KCTD8: variants seen among roughly 807,000 people sequenced by gnomAD.
KCTD8 encodes BTB/POZ domain-containing protein KCTD8.
KCTD8 carries 27 observed loss-of-function variants against 31.5 expected under a neutral mutation model. That is an observed-to-expected ratio of 0.86 (90% CI 0.63 to 1.18). The LOEUF (loss-of-function observed/expected upper bound fraction) is 1.18. KCTD8 is among the 50% of genes most tolerant of loss of function. The probability of loss-of-function intolerance (pLI) is 0.00; values close to 1 mark genes in which losing one functional copy is unlikely to be tolerated. For synonymous variants in KCTD8, 290 were observed against 280.0 expected, an observed-to-expected ratio of 1.04 and a Z score of -0.36; for missense variants, 658 against 647.7, an observed-to-expected ratio of 1.02 and a Z score of -0.17.
At chr4:44,234,848 G>C (rs1260287768) in intron 1 of KCTD8, among the ~76,000 whole-genome samples, 1 of 152,086 alleles carries the variant, frequency 6.6e-6, no homozygotes, top group African/African-American at 2.4e-5. Context: ...CTTTTAAACA[G>C]GAAAAGCAAT....
chr4:44,293,308 G>A (rs1329419336), intron 1 of KCTD8: 2 of 317,362 alleles, frequency 6.3e-6, no homozygotes, highest in African/African-American at 2.2e-5. Context: ...CCAAATTACT[G>A]AGTCCAAATG....
At chr4:44,314,514 T>C (rs1718052228) in intron 1 of KCTD8, among the ~76,000 whole-genome samples, 1 of 152,182 alleles carries the variant, frequency 6.6e-6, no homozygotes, top group Admixed American at 6.5e-5. Context: ...CTCCTTATAC[T>C]ATGATCCAAG....
chr4:44,405,819 A>G (rs1468757466), intron 1 of KCTD8, among the ~76,000 whole-genome samples: 4 of 140,166 alleles, frequency 2.9e-5, no homozygotes, highest in Non-Finnish European at 6.1e-5. Context: ...CTGTTTCTCA[A>G]AAAAAAAAAA....
intron 1 of KCTD8, among the ~76,000 whole-genome samples, chr4:44,347,328 G>A (rs892487031): frequency 6.6e-6 from 1 of 152,116 alleles, no homozygotes; most frequent in Non-Finnish European, 1.5e-5. Flanking sequence ...GGTGGTGCAG[G>A]GCAGTTCTTC....
chr4:44,294,500 A>G (rs1717373400), intron 1 of KCTD8, among the ~76,000 whole-genome samples: 1 of 152,182 alleles, frequency 6.6e-6, no homozygotes, highest in Admixed American at 6.5e-5. Context: ...GTCCAGCACC[A>G]TTGCAACCAG....
rs553125116 is a variant in KCTD8 at position 44,188,798 on chromosome 4, G to C, written c.962-13548C>G. Among the ~76,000 whole-genome samples, 73 of 152,258 alleles carry C rather than the reference G, an allele frequency of 4.8e-4. No individual in the cohort carries two copies. In the South Asian group the frequency reaches 5.2e-3, roughly 11 times the overall value. On this transcript the variant is annotated intron_variant, in intron 1 of 1. Transcript: ENST00000360029. ...TGCAGCTACAAATCCTGGAATGTCAGCTGCCATCAGAAACAAGCAACAAAT... is the reference window on the plus strand; with the variant it reads ...TGCAGCTACAAATCCTGGAATGTCACCTGCCATCAGAAACAAGCAACAAAT...
intron 1 of KCTD8, among the ~76,000 whole-genome samples, chr4:44,251,031 CAT>C (rs1715816497): frequency 1.3e-5 from 2 of 151,606 alleles, no homozygotes; most frequent in Non-Finnish European, 1.5e-5. Context: ...TTCTTCTTTA[CAT>C]TTATTTCAGT....
intron 1 of KCTD8, among the ~76,000 whole-genome samples, chr4:44,317,042 C>G (rs1472871852): frequency 6.6e-6 from 1 of 150,560 alleles, no homozygotes; most frequent in East Asian, 2.0e-4. Context: ...GACTCCTAAA[C>G]TTGTTAGAGT....
intron 1 of KCTD8, among the ~76,000 whole-genome samples, chr4:44,235,525 T>TTATATATATATATA (rs752341720): frequency 3.6e-4 from 20 of 55,068 alleles, no homozygotes; most frequent in Non-Finnish European, 6.8e-4. Context: ...AGACACTGGA[T>TTATATATATATATA]TATATATATA....
chr4:44,326,030 T>C (rs1718435218), intron 1 of KCTD8, among the ~76,000 whole-genome samples: 1 of 151,996 alleles, frequency 6.6e-6, no homozygotes. Context: ...TGTGCAAATG[T>C]CCAGATCAGA....
At chr4:44,328,389 G>A (rs1359471738) in intron 1 of KCTD8, among the ~76,000 whole-genome samples, 3 of 151,832 alleles carry the variant, frequency 2.0e-5, no homozygotes, top group Non-Finnish European at 4.4e-5. Flanking sequence ...ACAACAAATA[G>A]ATTTGCATTA....
chr4:44,195,918 A>C (rs1473218052), intron 1 of KCTD8, among the ~76,000 whole-genome samples: 1 of 152,268 alleles, frequency 6.6e-6, no homozygotes, highest in Non-Finnish European at 1.5e-5. Context: ...GAATAATAAA[A>C]ATACAAGGCA....
intron 1 of KCTD8, among the ~76,000 whole-genome samples, chr4:44,365,285 T>C (rs1256981710): frequency 2.0e-5 from 3 of 152,132 alleles, no homozygotes; most frequent in Non-Finnish European, 4.4e-5. Flanking sequence ...AACGGTTTTA[T>C]CTTGAGAAAA....
intron 1 of KCTD8, among the ~76,000 whole-genome samples, chr4:44,210,377 A>G (rs1217026124): frequency 6.6e-6 from 1 of 152,208 alleles, no homozygotes; most frequent in East Asian, 1.9e-4. Flanking sequence ...TATTTTTGAA[A>G]GCAAGAAGAT....
chr4:44,297,877 T>A (rs924064949), intron 1 of KCTD8, among the ~76,000 whole-genome samples: 1 of 152,212 alleles, frequency 6.6e-6, no homozygotes, highest in African/African-American at 2.4e-5. Context: ...TGGTTCTCCA[T>A]GGAATATTTT....
intron 1 of KCTD8, among the ~76,000 whole-genome samples, chr4:44,279,589 T>A (rs1716843906): frequency 6.6e-6 from 1 of 152,078 alleles, no homozygotes; most frequent in Admixed American, 6.6e-5. Context: ...TAATTACATC[T>A]AGAAATTCCC....
chr4:44,194,414 C>A (rs901057032), intron 1 of KCTD8, among the ~76,000 whole-genome samples: 1 of 152,108 alleles, frequency 6.6e-6, no homozygotes, highest in African/African-American at 2.4e-5. Context: ...ACTGGTAACA[C>A]CTTCTATGTA....
intron 1 of KCTD8, among the ~76,000 whole-genome samples, chr4:44,384,175 T>C (rs1360709057): frequency 6.6e-6 from 1 of 151,054 alleles, no homozygotes; most frequent in Non-Finnish European, 1.5e-5. Context: ...CAAATGCTGG[T>C]GAGGATAAAG....
intron 1 of KCTD8, among the ~76,000 whole-genome samples, chr4:44,239,059 G>A (rs1715374119): frequency 6.6e-6 from 1 of 152,176 alleles, no homozygotes; most frequent in East Asian, 1.9e-4. Context: ...CAGGGGTAAA[G>A]TTAAATAGCC....
Sources: allele counts gnomAD v4.1 joint callset (sites outside exome capture counted in the v4.1 genomes callset), GRCh38; gene constraint gnomAD v4.1.1; transcripts MANE v1.5; gene names NCBI Gene and HGNC (gene_info 2026-07-23, HGNC 2026-07-21).